The following PSMA1 variants were observed in gnomAD, a reference collection of about 807,000 sequenced individuals.
The protein encoded by PSMA1 is proteasome 20S subunit alpha 1.
PSMA1 carries 3 observed loss-of-function variants against 38.4 expected under a neutral mutation model. The observed-to-expected ratio is 0.08, with a 90% CI of 0.04 to 0.20. PSMA1 has a LOEUF of 0.20. Ranked by LOEUF, PSMA1 falls within the 10% of genes least tolerant of loss-of-function variation. The probability of loss-of-function intolerance (pLI) is 1.00; values close to 1 mark genes in which losing one functional copy is unlikely to be tolerated. For synonymous variants in PSMA1, 101 were observed against 107.1 expected (o/e 0.94, Z 0.35); for missense variants, 227 against 325.3 (o/e 0.70, Z 2.32).
intron 1 of PSMA1, among the ~76,000 whole-genome samples, chr11:14,642,808 TA>T (rs1290010248): frequency 6.6e-6 from 1 of 152,180 alleles, no homozygotes; most frequent in Non-Finnish European, 1.5e-5. Flanking sequence ...CTAATGTTGC[TA>T]GTTTCACCAG....
chr11:14,551,386 T>A (rs982899804), intron 2 of PSMA1, among the ~76,000 whole-genome samples: 21 of 152,206 alleles, frequency 1.4e-4, no homozygotes, highest in African/African-American at 9.7e-5. Context: ...AAAATCATCC[T>A]GAAGAGACAT....
chr11:14,543,747 A>G (rs1379067597), intron 2 of PSMA1, among the ~76,000 whole-genome samples: 1 of 152,240 alleles, frequency 6.6e-6, no homozygotes, highest in Non-Finnish European at 1.5e-5. Context: ...AACAATGTAC[A>G]TCAGGTCCTT....
intron 2 of PSMA1, among the ~76,000 whole-genome samples, chr11:14,540,433 A>G (rs1450979154): frequency 6.6e-6 from 1 of 152,196 alleles, no homozygotes; most frequent in Non-Finnish European, 1.5e-5. Flanking sequence ...TTCAGCGCAC[A>G]CTTCCAGAAA....
chr11:14,631,222 T>G (rs573505302), intron 1 of PSMA1, among the ~76,000 whole-genome samples: 1 of 152,334 alleles, frequency 6.6e-6, no homozygotes, highest in South Asian at 2.1e-4. Context: ...TGAATGAGTT[T>G]GCTCTTGCTT....
intron 2 of PSMA1, among the ~76,000 whole-genome samples, chr11:14,598,733 C>T (rs1852537296): frequency 6.7e-6 from 1 of 149,914 alleles, no homozygotes; most frequent in East Asian, 1.9e-4. Flanking sequence ...GAGCATTTAG[C>T]CCATTTACAT....
At chr11:14,634,768 A>T (rs755202941) in intron 1 of PSMA1, among the ~76,000 whole-genome samples, 24 of 152,244 alleles carry the variant, frequency 1.6e-4, no homozygotes, top group Non-Finnish European at 3.1e-4. Context: ...AATGAAGCTA[A>T]TATATCCCTT....
intron 4 of PSMA1, among the ~76,000 whole-genome samples, chr11:14,515,986 T>A (rs1589979525): frequency 6.6e-6 from 1 of 150,394 alleles, no homozygotes; most frequent in Non-Finnish European, 1.5e-5. Flanking sequence ...CCGAGGCAGG[T>A]GGATCACGAG....
At chr11:14,520,625 C>T, upstream of PSMA1, 1 of 569,932 alleles carries the variant, frequency 1.8e-6, no homozygotes, top group Non-Finnish European at 2.8e-6. Context: ...TGGCGGATTC[C>T]CTCCAGTTTC....
chr11:14,587,837 T>C (rs1456808060), intron 2 of PSMA1, among the ~76,000 whole-genome samples: 2 of 152,218 alleles, frequency 1.3e-5, no homozygotes, highest in Non-Finnish European at 2.9e-5. Flanking sequence ...AAATGGAAGC[T>C]ACCATTATTG....
At chr11:14,518,765 C>T (rs76277448) in intron 2 of PSMA1, among the ~76,000 whole-genome samples, 1,655 of 152,246 alleles carry the variant, frequency 0.011, 14 homozygotes, top group Non-Finnish European at 0.017. Flanking sequence ...ACAAAAGATT[C>T]CACATATAAG....
chr11:14,557,810 G>A (rs1219211965), intron 2 of PSMA1, among the ~76,000 whole-genome samples: 1 of 152,196 alleles, frequency 6.6e-6, no homozygotes, highest in East Asian at 1.9e-4. Context: ...ATGTTGGGAA[G>A]AAGATCTGGG....
intron 2 of PSMA1, among the ~76,000 whole-genome samples, chr11:14,577,362 G>C (rs1026378533): frequency 2.0e-5 from 3 of 152,112 alleles, no homozygotes; most frequent in African/African-American, 7.2e-5. Flanking sequence ...TCTGAACTCA[G>C]GTACTCCAGT....
chr11:14,560,787 T>C (rs1335726053), intron 2 of PSMA1, among the ~76,000 whole-genome samples: 1 of 152,196 alleles, frequency 6.6e-6, no homozygotes, highest in Non-Finnish European at 1.5e-5. Context: ...GGGTATCACC[T>C]ATAAAGTAGC....
At chr11:14,544,606 A>G (rs1401848797) in intron 2 of PSMA1, among the ~76,000 whole-genome samples, 1 of 152,252 alleles carries the variant, frequency 6.6e-6, no homozygotes. Context: ...TTAGGGAAAT[A>G]TAAACCAAAA....
At chr11:14,627,094 C>T (rs1311490508) in intron 1 of PSMA1, among the ~76,000 whole-genome samples, 2 of 152,120 alleles carry the variant, frequency 1.3e-5, no homozygotes, top group Non-Finnish European at 2.9e-5. Context: ...CTTATAAGGA[C>T]ATAAGTCATA....
At chr11:14,556,742 A>C (rs1272024131) in intron 2 of PSMA1, among the ~76,000 whole-genome samples, 1 of 152,196 alleles carries the variant, frequency 6.6e-6, no homozygotes, top group Non-Finnish European at 1.5e-5. Flanking sequence ...TGTGAAGTTT[A>C]GGTTGAAGTT....
intron 2 of PSMA1, among the ~76,000 whole-genome samples, chr11:14,567,173 C>T (rs1425576102): frequency 6.6e-6 from 1 of 152,238 alleles, no homozygotes. Context: ...GGGACTTCTT[C>T]TGATCTTCCT....
upstream of PSMA1, among the ~76,000 whole-genome samples, chr11:14,523,017 C>T (rs1278747051): frequency 6.6e-6 from 1 of 152,164 alleles, no homozygotes; most frequent in East Asian, 1.9e-4. Context: ...CACTCCAAAC[C>T]TGTCCTTCTG....
At chr11:14,614,590 T>C (rs957864075) in intron 1 of PSMA1, among the ~76,000 whole-genome samples, 8 of 152,086 alleles carry the variant, frequency 5.3e-5, no homozygotes, top group African/African-American at 1.2e-4. Context: ...TCTGCTTGAA[T>C]TTTCTCTCCT....
Sources: allele counts gnomAD v4.1 joint callset (sites outside exome capture counted in the v4.1 genomes callset), GRCh38; gene constraint gnomAD v4.1.1; transcripts MANE v1.5; gene names NCBI Gene and HGNC (gene_info 2026-07-23, HGNC 2026-07-21).